NDUFAF6: variants seen among roughly 807,000 people sequenced by gnomAD.
The protein encoded by NDUFAF6 is NADH:ubiquinone oxidoreductase complex assembly factor 6.
Under a neutral mutation model 40.8 loss-of-function variants are expected in NDUFAF6, and 45 were observed. The observed-to-expected ratio is 1.10, with a 90% CI of 0.87 to 1.42. NDUFAF6 has a LOEUF of 1.42. Among genes scored for constraint, NDUFAF6 ranks in the 40% most tolerant of loss-of-function variants. NDUFAF6 has a pLI of 0.00. For synonymous variants in NDUFAF6, 185 were observed against 155.9 expected, an observed-to-expected ratio of 1.19 and a Z score of -1.39; for missense variants, 435 against 418.5, an observed-to-expected ratio of 1.04 and a Z score of -0.34.
At chr8:95,082,722 G>T (rs966339191) in intron 2 of NDUFAF6, among the ~76,000 whole-genome samples, 1 of 151,680 alleles carries the variant, frequency 6.6e-6, no homozygotes, top group African/African-American at 2.4e-5. Context: ...TGCAGTGGCG[G>T]GATCTCGGCT....
chr8:94,942,461 T>A (rs1041799034), intron 1 of NDUFAF6, among the ~76,000 whole-genome samples: 5 of 152,198 alleles, frequency 3.3e-5, no homozygotes, highest in Admixed American at 3.3e-4. Context: ...TAAGCCAAAC[T>A]GTTGTCTCTG....
Position 95,047,234 on chromosome 8 carries a change from A to C in NDUFAF6, c.714+107A>C. ...TATTCAAGTAATTGCTTTGAAAGGAATGCTTATTGCTTACTAAAAATGGCC... is the reference window on the plus strand; with the variant it reads ...TATTCAAGTAATTGCTTTGAAAGGACTGCTTATTGCTTACTAAAAATGGCC... On this transcript the variant is annotated intron_variant, in intron 6 of 8. Coordinates refer to ENST00000396124, the MANE Select transcript of NDUFAF6 (RefSeq NM_152416.4). 12 of 1,469,732 alleles carry C rather than the reference A, an allele frequency of 8.2e-6. No individual in the cohort carries two copies. The South Asian group carries it at 1.4e-4, about 17-fold the overall frequency. The allele number at this position is 1,469,732 out of a possible 1,614,324, so 91.0% of individuals were successfully genotyped here.
intron 2 of NDUFAF6, among the ~76,000 whole-genome samples, chr8:94,999,374 G>A (rs902433257): frequency 6.6e-6 from 1 of 151,848 alleles, no homozygotes; most frequent in Non-Finnish European, 1.5e-5. Flanking sequence ...TGCCCACCTC[G>A]GCCTCCTAAA....
At chr8:95,036,963 G>A (rs1465720056) in intron 3 of NDUFAF6, among the ~76,000 whole-genome samples, 1 of 152,206 alleles carries the variant, frequency 6.6e-6, no homozygotes, top group African/African-American at 2.4e-5. Flanking sequence ...CCATTCTGCT[G>A]GAGCATATGG....
At chr8:94,971,431 C>G (rs1436999289) in intron 1 of NDUFAF6, among the ~76,000 whole-genome samples, 1 of 152,188 alleles carries the variant, frequency 6.6e-6, no homozygotes, top group African/African-American at 2.4e-5. Context: ...TGCTCAGAAC[C>G]ACCAGAGTGA....
chr8:95,021,853 A>G (rs1453936650), upstream of NDUFAF6, among the ~76,000 whole-genome samples: 5 of 152,162 alleles, frequency 3.3e-5, no homozygotes, highest in African/African-American at 9.7e-5. Flanking sequence ...AAGTCAAACA[A>G]AAGCATGGGT....
chr8:95,108,231 T>C (rs1045870089), downstream of NDUFAF6, among the ~76,000 whole-genome samples: 5 of 152,116 alleles, frequency 3.3e-5, no homozygotes, highest in African/African-American at 7.2e-5. Flanking sequence ...CACTAAAGAA[T>C]TGAAGGCAGG....
At chr8:95,006,145 G>A (rs765318710) in intron 2 of NDUFAF6, among the ~76,000 whole-genome samples, 20 of 151,914 alleles carry the variant, frequency 1.3e-4, no homozygotes, top group Non-Finnish European at 2.5e-4. Flanking sequence ...ATCACTTGAG[G>A]TCAGGAGTTT....
rs566240455 is a variant in NDUFAF6 at position 94,939,032 on chromosome 8, G to A, written c.-935-6451G>A. 2.0e-5 allele frequency among the ~76,000 whole-genome samples: 3 copies of A among 152,282 alleles called. No homozygotes were observed. In the South Asian group the frequency reaches 6.2e-4, roughly 32 times the overall value. On this transcript the variant is annotated intron_variant, in intron 1 of 14. Coordinates refer to the NDUFAF6 transcript ENST00000396113. Reference sequence around the variant, plus strand: ...GGACACTAGAGGGTGTCCACTGCTGGAGGACTGTTTGCCTGGTGTGTGGAA... The same window carrying A: ...GGACACTAGAGGGTGTCCACTGCTGAAGGACTGTTTGCCTGGTGTGTGGAA...
intron 1 of NDUFAF6, among the ~76,000 whole-genome samples, chr8:94,945,140 T>C (rs955787068): frequency 3.3e-5 from 5 of 152,240 alleles, no homozygotes; most frequent in African/African-American, 1.2e-4. Context: ...ATTTAGTTTT[T>C]TGAAAACTTT....
chr8:95,002,312 G>A (rs1427513307), intron 2 of NDUFAF6, among the ~76,000 whole-genome samples: 2 of 152,160 alleles, frequency 1.3e-5, no homozygotes, highest in African/African-American at 4.8e-5. Flanking sequence ...GCCAAGGCAA[G>A]TCACAACATT....
chr8:94,921,905 T>A (rs1464489278), intron 1 of NDUFAF6, among the ~76,000 whole-genome samples: 1 of 152,266 alleles, frequency 6.6e-6, no homozygotes, highest in African/African-American at 2.4e-5. Context: ...AGTGGCAGCA[T>A]GACCTGGGAA....
At chr8:95,005,107 T>C (rs926731300) in intron 2 of NDUFAF6, among the ~76,000 whole-genome samples, 2 of 152,158 alleles carry the variant, frequency 1.3e-5, no homozygotes, top group Non-Finnish European at 2.9e-5. Flanking sequence ...CAATCTTGAG[T>C]AAATGACTTG....
intron 2 of NDUFAF6, among the ~76,000 whole-genome samples, chr8:95,000,867 G>A (rs1826696930): frequency 6.6e-6 from 1 of 151,996 alleles, no homozygotes; most frequent in Admixed American, 6.6e-5. Flanking sequence ...AACCCATGAG[G>A]CAGAGGTTGC....
intron 2 of NDUFAF6, among the ~76,000 whole-genome samples, chr8:95,032,389 T>C (rs1392231014): frequency 6.6e-6 from 1 of 152,238 alleles, no homozygotes; most frequent in Non-Finnish European, 1.5e-5. Context: ...TTAAATAGGT[T>C]AGTCAGAGAA....
At chr8:95,004,879 C>T (rs1255646647) in intron 2 of NDUFAF6, among the ~76,000 whole-genome samples, 1 of 152,142 alleles carries the variant, frequency 6.6e-6, no homozygotes, top group Admixed American at 6.5e-5. Context: ...ATTCTTTATC[C>T]TCAATAGCTA....
intron 3 of NDUFAF6, chr8:95,036,485 A>T (rs1205662319): frequency 1.8e-5 from 23 of 1,289,264 alleles, no homozygotes; most frequent in Non-Finnish European, 2.0e-5. Flanking sequence ...GAAAAAGTGG[A>T]TGGGAAGCTG....
intron 1 of NDUFAF6, among the ~76,000 whole-genome samples, chr8:94,942,584 C>T (rs1821648410): frequency 6.6e-6 from 1 of 152,208 alleles, no homozygotes; most frequent in Non-Finnish European, 1.5e-5. Flanking sequence ...AACTATTATT[C>T]TACATGTATT....
chr8:95,067,750 A>T (rs1460651229), intron 9 of NDUFAF6: 2 of 151,944 alleles, frequency 1.3e-5, no homozygotes, highest in African/African-American at 2.4e-5. Flanking sequence ...GCCTCCTCTG[A>T]CACCACCCCA....
Sources: gnomAD v4.1 joint callset for allele counts (sites outside exome capture counted in the v4.1 genomes callset) on GRCh38, gnomAD v4.1.1 for gene constraint, MANE v1.5 for transcripts, NCBI Gene and HGNC (gene_info 2026-07-23, HGNC 2026-07-21) for gene names.